Variants in ETS1 observed in about 807,000 individuals in gnomAD.
ETS1 encodes ETS proto-oncogene 1, transcription factor.
ETS1 carries 15 observed loss-of-function variants against 58.6 expected under a neutral mutation model. The observed-to-expected ratio is 0.26, with a 90% CI of 0.17 to 0.39. ETS1 has a LOEUF of 0.39. Among genes scored for constraint, ETS1 ranks in the 10% least tolerant of loss-of-function variants. The pLI, the probability that ETS1 is intolerant of heterozygous loss-of-function variation, is 1.00. For missense variants in ETS1, 417 were observed against 610.5 expected, an observed-to-expected ratio of 0.68 and a Z score of 3.34; for synonymous variants, 214 against 218.2, an observed-to-expected ratio of 0.98 and a Z score of 0.17.
intron 7 of ETS1, among the ~76,000 whole-genome samples, chr11:128,481,194 A>G (rs1016890747): frequency 2.0e-5 from 3 of 152,234 alleles, no homozygotes; most frequent in Non-Finnish European, 4.4e-5. Context: ...TTGAAATTTA[A>G]ACTTCATTGG....
chr11:128,538,366 A>G (rs1256655677), intron 3 of ETS1, among the ~76,000 whole-genome samples: 2 of 152,196 alleles, frequency 1.3e-5, no homozygotes, highest in Non-Finnish European at 2.9e-5. Context: ...CATTTAGCAT[A>G]ACTAGATTTT....
chr11:128,478,895 ATG>A (rs1862406714), intron 8 of ETS1, among the ~76,000 whole-genome samples: 1 of 152,194 alleles, frequency 6.6e-6, no homozygotes, highest in Admixed American at 6.5e-5. Context: ...CATGCTAGCC[ATG>A]TTCAAGCAAA....
intron 2 of ETS1, among the ~76,000 whole-genome samples, chr11:128,564,513 C>A (rs922206155): frequency 6.6e-6 from 1 of 152,108 alleles, no homozygotes; most frequent in Non-Finnish European, 1.5e-5. Flanking sequence ...GGAGGTAGTG[C>A]AGCCAACACC....
intron 2 of ETS1, 49 bp downstream of exon 2, chr11:128,573,013 G>A (rs1215250167): frequency 1.4e-6 from 2 of 1,450,232 alleles, no homozygotes; most frequent in Non-Finnish European, 1.9e-6. Flanking sequence ...ACAAGGAGGA[G>A]GGGAGAAGAT....
At chr11:128,538,785 C>T (rs942448151) in intron 3 of ETS1, among the ~76,000 whole-genome samples, 1 of 148,254 alleles carries the variant, frequency 6.7e-6, no homozygotes, top group Non-Finnish European at 1.5e-5. Flanking sequence ...CACACACACA[C>T]ACACACCAAA....
intron 2 of ETS1, among the ~76,000 whole-genome samples, chr11:128,562,190 C>T (rs934283998): frequency 6.6e-6 from 1 of 152,204 alleles, no homozygotes; most frequent in Admixed American, 6.5e-5. Flanking sequence ...GCGGGCAGAT[C>T]ACAAGGTCAG....
At chr11:128,470,759 T>C (rs1862166214) in intron 8 of ETS1, among the ~76,000 whole-genome samples, 1 of 152,106 alleles carries the variant, frequency 6.6e-6, no homozygotes. Flanking sequence ...GGCCTTCGTA[T>C]GGCAACTTTG....
intron 2 of ETS1, among the ~76,000 whole-genome samples, chr11:128,560,489 G>A (rs1364502255): frequency 6.6e-6 from 1 of 152,190 alleles, no homozygotes; most frequent in Non-Finnish European, 1.5e-5. Flanking sequence ...AGAGCAAACA[G>A]GTTTTAAGAG....
At position 128,573,082 on chromosome 11, in the gene ETS1, C is replaced by T; in HGVS notation, c.49G>A (p.Ala17Thr). 1 of 1,604,484 alleles carries T rather than the reference C, an allele frequency of 6.2e-7. No individual in the cohort carries two copies. The highest frequency in any genetic ancestry group is 2.2e-5 in the East Asian group (1 of 44,600). The change falls in exon 2 of 10, where the codon GCG (alanine) becomes ACG (threonine). Residue 17 changes from alanine to threonine, a missense_variant. Physicochemically the swap from Ala to Thr is moderately conservative, Grantham distance 58. Transcript: ENST00000392668. Reference sequence around the variant, plus strand: ...CTCACCACCACTGCAGGACGAGGCGCTGAGTAAGGGACGGGGCTGCTCCCA... The same window carrying T: ...CTCACCACCACTGCAGGACGAGGCGTTGAGTAAGGGACGGGGCTGCTCCCA... ...SAGSSPVPYS[A>T]PRPAVVRQGP...
At chr11:128,493,143 G>A (rs1343729497) in intron 3 of ETS1, among the ~76,000 whole-genome samples, 1 of 152,196 alleles carries the variant, frequency 6.6e-6, no homozygotes, top group Non-Finnish European at 1.5e-5. Context: ...GCTGTAGCGG[G>A]AACTGAAGAA....
chr11:128,555,125 AGGAATCTATTTCATTCTGCCCT>A (rs1320066401), intron 3 of ETS1, among the ~76,000 whole-genome samples: 2 of 152,226 alleles, frequency 1.3e-5, no homozygotes, highest in African/African-American at 4.8e-5. Flanking sequence ...CATGGGACAC[AGGAATCTATTTCATTCTGCCCT>A]GGAGAGAAAC....
At chr11:128,563,513 G>A (rs1296732359) in intron 2 of ETS1, among the ~76,000 whole-genome samples, 1 of 152,138 alleles carries the variant, frequency 6.6e-6, no homozygotes, top group Non-Finnish European at 1.5e-5. Flanking sequence ...TGCTTCCTGA[G>A]GAGTTCGGCC....
At chr11:128,480,832 A>G (rs957413344) in intron 7 of ETS1, among the ~76,000 whole-genome samples, 16 of 152,190 alleles carry the variant, frequency 1.1e-4, no homozygotes, top group South Asian at 8.3e-4. Context: ...CGTAGGCCCA[A>G]TGAATAAATG....
intron 3 of ETS1, among the ~76,000 whole-genome samples, chr11:128,518,396 T>C (rs559082776): frequency 2.0e-5 from 3 of 152,366 alleles, no homozygotes; most frequent in South Asian, 4.1e-4. Flanking sequence ...ACTTGCTCTG[T>C]AGTTAACTGC....
In ETS1 at chr11:128,507,284, G is replaced by A. The variant is rs183956810; in HGVS notation, c.215-16708C>T. On this transcript the variant is annotated intron_variant, in intron 3 of 9. Transcript: ENST00000392668. ...CGGAGGGAGGGAGAGGGAAGGAGAG[G>A]GAGCGGAGTGGGCAGACAGGAACCA... is the stretch of plus-strand genomic sequence containing the variant. Among the ~76,000 whole-genome samples the A allele has an allele frequency of 1.3e-4, 20 of 152,278 alleles. No homozygotes were observed. In the East Asian group the frequency reaches 2.5e-3, roughly 19 times the overall value.
intron 2 of ETS1, among the ~76,000 whole-genome samples, chr11:128,559,407 C>A (rs1864369142): frequency 6.6e-6 from 1 of 152,224 alleles, no homozygotes; most frequent in Non-Finnish European, 1.5e-5. Flanking sequence ...AACAACCATG[C>A]ACAGAATCAG....
Position 128,553,418 on chromosome 11 carries a change from T to A in ETS1, c.214+2873A>T, listed in dbSNP as rs534011544. 3.0e-4 allele frequency among the ~76,000 whole-genome samples: 46 copies of A among 152,282 alleles called. 3 individuals carry two copies. The South Asian group carries it at 9.3e-3, about 31-fold the overall frequency. ...CCCTCCTGTTCTTGCCTTGTCTTTT[T>A]CTGGGCTCCCCACTTTTTTTCCCTT... On this transcript the variant is annotated intron_variant, in intron 3 of 9. Coordinates refer to ENST00000392668, the MANE Select transcript of ETS1 (RefSeq NM_001143820.2).
chr11:128,463,678 C>A lies in ETS1; in HGVS notation c.1124-51G>T. The A allele has an allele frequency of 2.0e-6, 2 of 1,003,624 alleles. No individual in the cohort carries two copies. Among genetic ancestry groups the A allele is most frequent in the Non-Finnish European group, 3.2e-6 (2 of 626,770 alleles). 62.2% of individuals were successfully genotyped at this position (1,003,624 alleles called of 1,614,324 possible). On this transcript the variant is annotated intron_variant, in intron 8 of 9. Coordinates refer to ENST00000392668, the MANE Select transcript of ETS1 (RefSeq NM_001143820.2). This position sits in a 1 kb window ranked among gnomAD's most constrained non-coding sequence, Gnocchi z 4.1. ...ATTACACCAGATATTCAGCACTCTA[C>A]GCAGCTAATCCCCACACACGGCACT...
At chr11:128,554,053 T>C (rs1200867403) in intron 3 of ETS1, among the ~76,000 whole-genome samples, 1 of 152,184 alleles carries the variant, frequency 6.6e-6, no homozygotes, top group South Asian at 2.1e-4. Context: ...CCCTTCCCTA[T>C]AACCCCACAA....
Sources: gnomAD v4.1 joint callset for allele counts (sites outside exome capture counted in the v4.1 genomes callset) on GRCh38, gnomAD v4.1.1 for gene constraint, Gnocchi (gnomAD v3.1) non-coding constraint, MANE v1.5 for transcripts, NCBI Gene and HGNC (gene_info 2026-07-23, HGNC 2026-07-21) for gene names.